Variants in NANOS3 observed in about 807,000 individuals in gnomAD.
The protein encoded by NANOS3 is nanos homolog 3.
A neutral mutation model predicts 13.8 loss-of-function variants in NANOS3; 11 were observed. The observed-to-expected ratio is 0.80, with a 90% CI of 0.50 to 1.32. The LOEUF (loss-of-function observed/expected upper bound fraction) is 1.32. NANOS3 is among the 40% of genes most tolerant of loss of function. The probability of loss-of-function intolerance (pLI) is 0.00; values close to 1 mark genes in which losing one functional copy is unlikely to be tolerated. For synonymous variants in NANOS3, 119 were observed against 115.4 expected, an observed-to-expected ratio of 1.03 and a Z score of -0.20; for missense variants, 221 against 263.8, an observed-to-expected ratio of 0.84 and a Z score of 1.12.
rs575614542 is a variant in NANOS3, at chr19:13,871,729, G to A, written n.22-5939G>A. The stretch of plus-strand genomic sequence containing the variant: ...AGTCATCAAGAAGAAAGATTCCTGT[G>A]GGACGAGGTGGCTCATGCCTGTAAT... On this transcript the variant is annotated intron_variant and non_coding_transcript_variant, in intron 1 of 2. Coordinates refer to the NANOS3 transcript ENST00000591161. Among the ~76,000 whole-genome samples, 17 of 152,320 alleles carry A rather than the reference G, an allele frequency of 1.1e-4. 1 individual carries two copies. In the East Asian group the frequency reaches 3.3e-3, roughly 29 times the overall value.
At chr19:13,872,337 T>A, upstream of NANOS3, among the ~76,000 whole-genome samples, 1 of 92,990 alleles carries the variant, frequency 1.1e-5, no homozygotes, top group African/African-American at 4.8e-5. Context: ...AGAGCAAGAC[T>A]CCATCTCAAA....
intron 1 of NANOS3, among the ~76,000 whole-genome samples, chr19:13,870,916 C>A (rs952263543): frequency 1.3e-5 from 2 of 151,860 alleles, no homozygotes; most frequent in Non-Finnish European, 2.9e-5. Context: ...CCCCACACCC[C>A]ACTTATCCCC....
At chr19:13,862,788 C>T (rs62122072), upstream of NANOS3, among the ~76,000 whole-genome samples, 5,732 of 152,282 alleles carry the variant, frequency 0.038, 158 homozygotes, top group Non-Finnish European at 0.058. Flanking sequence ...CCGCCCGCCT[C>T]GGCCTCCCAA....
In NANOS3 at chr19:13,880,716, C is replaced by T; in HGVS notation, c.*213C>T. The T allele has an allele frequency of 1.7e-6, 1 of 579,556 alleles. No individual in the cohort carries two copies. The highest frequency in any genetic ancestry group is 3.1e-6 in the Non-Finnish European group (1 of 325,112). 35.9% of individuals were successfully genotyped at this position (579,556 alleles called of 1,614,324 possible). A position where few individuals can be genotyped will look rare whatever the true frequency, so the allele number is the denominator to read the frequency against. ...CTGCCGTTTCCCTAGTGCTGGGCAT[C>T]CAGTCAGCCCTCAATAAATGCTTAT... is the stretch of plus-strand genomic sequence containing the variant. On this transcript the variant is annotated 3_prime_UTR_variant, in exon 2 of 2. Coordinates refer to ENST00000339133, the MANE Select transcript of NANOS3 (RefSeq NM_001098622.3).
chr19:13,867,646 CA>C (rs543557995), intron 1 of NANOS3, among the ~76,000 whole-genome samples: 16 of 152,150 alleles, frequency 1.1e-4, no homozygotes, highest in Admixed American at 1.0e-3. Flanking sequence ...ACAGCAGCCT[CA>C]AACTCTCAGA....
chr19:13,868,866 G>A (rs1228684729), intron 1 of NANOS3, among the ~76,000 whole-genome samples: 1 of 151,730 alleles, frequency 6.6e-6, no homozygotes, highest in East Asian at 1.9e-4. Context: ...CAATTAGCCT[G>A]ATATACACCC....
chr19:13,868,362 A>G (rs538271364), intron 1 of NANOS3, among the ~76,000 whole-genome samples: 15 of 151,840 alleles, frequency 9.9e-5, no homozygotes, highest in South Asian at 2.1e-4. Context: ...TCCGGCCCCA[A>G]TACTCATTTA....
At chr19:13,867,142 T>A in intron 1 of NANOS3, among the ~76,000 whole-genome samples, 1 of 152,062 alleles carries the variant, frequency 6.6e-6, no homozygotes, top group East Asian at 1.9e-4. Context: ...GGTTTCACCA[T>A]GTTGGCCAGG....
rs115341945 is a variant in NANOS3 at position 13,880,388 on chromosome 19, G to A, written c.518-54G>A. ...AGGCCGAGTCCGTGGGCAACTTGGGGAGCGTTGAGTCATCGCCTGTGATTA... is the reference window on the plus strand; with the variant it reads ...AGGCCGAGTCCGTGGGCAACTTGGGAAGCGTTGAGTCATCGCCTGTGATTA... On this transcript the variant is annotated intron_variant, in intron 1 of 1. Transcript: ENST00000339133. 2.9e-4 allele frequency: 453 copies of A among 1,563,794 alleles called. No homozygotes were observed. In the African/African-American group the frequency reaches 5.3e-3, roughly 18 times the overall value.
upstream of NANOS3, among the ~76,000 whole-genome samples, chr19:13,872,960 G>A (rs1968425680): frequency 6.6e-6 from 1 of 151,412 alleles, no homozygotes; most frequent in Non-Finnish European, 1.5e-5. Flanking sequence ...GGCTTGAGGG[G>A]CCCTACGAAA....
chr19:13,865,492 G>A (rs1343939726), intron 1 of NANOS3: 3 of 144,060 alleles, frequency 2.1e-5, no homozygotes, highest in Non-Finnish European at 3.1e-5. Flanking sequence ...GGCCGCCCGC[G>A]GGCAGGGGGC....
intron 1 of NANOS3, among the ~76,000 whole-genome samples, chr19:13,868,446 G>T (rs961790262): frequency 4.6e-5 from 7 of 151,832 alleles, no homozygotes; most frequent in Admixed American, 4.6e-4. Flanking sequence ...AAATCTGAAC[G>T]AGCACAGTGG....
chr19:13,869,576 G>A lies in NANOS3; in HGVS notation n.21+4139G>A, dbSNP rs538399896. On this transcript the variant is annotated intron_variant and non_coding_transcript_variant, in intron 1 of 2. Coordinates refer to the NANOS3 transcript ENST00000591161. Reference sequence around the variant, plus strand: ...GTGGGGTGGGAACCTCAGAGCCCACGCAGGTATCACTGAAACGAGACACCC... The same window carrying A: ...GTGGGGTGGGAACCTCAGAGCCCACACAGGTATCACTGAAACGAGACACCC... Among the ~76,000 whole-genome samples the A allele has an allele frequency of 1.6e-4, 24 of 152,084 alleles. No homozygotes were observed. In the South Asian group the frequency reaches 4.6e-3, roughly 29 times the overall value.
rs1450504389 is a variant in NANOS3 at position 13,880,749 on chromosome 19, TCAA to T, written c.*252_*254del. On this transcript the variant is annotated 3_prime_UTR_variant, in exon 2 of 2. Transcript: ENST00000339133. ...CCCTCAATAAATGCTTATGAATGGATCAACAACAGACAAGCCCTGGTCTTGGGA... is the reference window on the plus strand; with the variant it reads ...CCCTCAATAAATGCTTATGAATGGATCAACAGACAAGCCCTGGTCTTGGGA... 3.7e-6 allele frequency: 2 copies of T among 539,494 alleles called. No homozygotes were observed. The highest frequency in any genetic ancestry group is 6.6e-6 in the Non-Finnish European group (2 of 302,648). The allele number at this position is 539,494 out of a possible 1,614,324, so 33.4% of individuals were successfully genotyped here. A position where few individuals can be genotyped will look rare whatever the true frequency, so the allele number is the denominator to read the frequency against.
At chr19:13,872,358 A>AG (rs1555721280), upstream of NANOS3, among the ~76,000 whole-genome samples, 151 of 142,044 alleles carry the variant, frequency 1.1e-3, no homozygotes, top group African/African-American at 3.9e-3. Context: ...AAAAAAAAAA[A>AG]AAAGAGAGAG....
rs1472313975 is a variant in NANOS3 at position 13,877,579 on chromosome 19, G to A, written c.331G>A (p.Val111Met). Residue 111 changes from valine (V) to methionine (M), a missense_variant, in exon 1 of 2, where the codon GTG becomes ATG. By Grantham distance (21) the Val-to-Met change is conservative. Transcript: ENST00000339133. Reference sequence around the variant, plus strand: ...GCTGTGTCCCATCCTGCGGGACTACGTGTGTCCCCAGTGCGGCGCCACACG... The same window carrying A: ...GCTGTGTCCCATCCTGCGGGACTACATGTGTCCCCAGTGCGGCGCCACACG... ...RVLCPILRDY[V>M]CPQCGATRER... 6.2e-7 allele frequency: 1 copy of A among 1,612,274 alleles called. No individual in the cohort carries two copies. Among genetic ancestry groups the A allele is most frequent in the Non-Finnish European group, 8.5e-7 (1 of 1,180,002 alleles).
At position 13,877,609 on chromosome 19, in the gene NANOS3, C is replaced by T. The variant is rs1349261386; in HGVS notation, c.361C>T (p.Arg121Cys). The change falls in exon 1 of 2, where the codon CGC becomes TGC. Residue 121 changes from arginine (R) to cysteine (C), a missense_variant. Around this residue, in one of 3 missense-constraint regions of NANOS3, gnomAD observed 49 missense variants for 91.0 expected, o/e 0.54. Coordinates refer to ENST00000339133, the MANE Select transcript of NANOS3 (RefSeq NM_001098622.3). ...TCCCCAGTGCGGCGCCACACGTGAG[C>T]GCGCCCACACCCGACGCTTCTGCCC... The part of the protein sequence containing the change: ...VCPQCGATRE[R>C]AHTRRFCPLT... 3.1e-6 allele frequency: 5 copies of T among 1,611,900 alleles called. No homozygotes were observed. The South Asian group carries it at 5.5e-5, about 18-fold the overall frequency.
At chr19:13,870,064 T>G (rs530664286) in intron 1 of NANOS3, among the ~76,000 whole-genome samples, 2 of 151,992 alleles carry the variant, frequency 1.3e-5, no homozygotes, top group South Asian at 4.1e-4. Context: ...ATTTTTTTTT[T>G]TTTGAGACAG....
rs765977912 is a variant in NANOS3 at position 13,877,365 on chromosome 19, GCTGGAGCCGGTGTCAGCC to G, written c.127_144del (p.Val43_Pro48del). ...GCCCCCAGCCAGAGCCAGAGCCAAT[GCTGGAGCCGGTGTCAGCC>G]CTGGAGCCGATGCCAGCGCCGGAGT... On this transcript the variant is annotated inframe_deletion, in exon 1 of 2. Transcript: ENST00000339133. 1.4e-5 allele frequency: 23 copies of G among 1,612,438 alleles called. No individual in the cohort carries two copies. In the African/African-American group the frequency reaches 2.9e-4, roughly 21 times the overall value.
Sources: gnomAD v4.1 joint callset for allele counts (sites outside exome capture counted in the v4.1 genomes callset) on GRCh38, gnomAD v4.1.1 for gene constraint, gnomAD v4.1.1 regional missense constraint, MANE v1.5 for transcripts, NCBI Gene and HGNC (gene_info 2026-07-23, HGNC 2026-07-21) for gene names.